The following SNTG2 variants were observed in gnomAD, a reference collection of about 807,000 sequenced individuals.
The protein encoded by SNTG2 is gamma-2-syntrophin.
SNTG2 carries 74 observed loss-of-function variants against 70.9 expected under a neutral mutation model. The ratio of observed to expected loss-of-function variants is 1.04; its 90% CI spans 0.86 to 1.27. The LOEUF (loss-of-function observed/expected upper bound fraction) is 1.27, where lower values mean the gene tolerates loss of function less well. Among genes scored for constraint, SNTG2 ranks in the 50% most tolerant of loss-of-function variants. SNTG2 has a pLI of 0.00. For synonymous variants in SNTG2, 278 were observed against 273.8 expected, an observed-to-expected ratio of 1.02 and a Z score of -0.15; for missense variants, 717 against 690.7, an observed-to-expected ratio of 1.04 and a Z score of -0.43.
intron 6 of SNTG2, among the ~76,000 whole-genome samples, chr2:1,157,186 C>A (rs893616314): frequency 3.3e-5 from 5 of 152,188 alleles, no homozygotes; most frequent in African/African-American, 1.2e-4. Flanking sequence ...CCATCACTGC[C>A]AGCACCCTGC....
chr2:1,079,587 TA>T (rs1422595899), intron 1 of SNTG2, among the ~76,000 whole-genome samples: 1 of 152,238 alleles, frequency 6.6e-6, no homozygotes, highest in Non-Finnish European at 1.5e-5. Context: ...TTTCCTTAGC[TA>T]GCATTTAAAA....
chr2:1,012,464 A>C (rs184530769), intron 1 of SNTG2, among the ~76,000 whole-genome samples: 1 of 152,262 alleles, frequency 6.6e-6, no homozygotes, highest in Non-Finnish European at 1.5e-5. Flanking sequence ...ATAGTCACAC[A>C]GAAAAGGGGC....
intron 1 of SNTG2, among the ~76,000 whole-genome samples, chr2:1,038,311 G>A (rs998415071): frequency 2.6e-5 from 4 of 152,104 alleles, no homozygotes; most frequent in African/African-American, 9.7e-5. Context: ...CTGTAACCAC[G>A]TTCTCATAGA....
chr2:1,367,595 C>T lies in SNTG2; in HGVS notation c.*121C>T. 8.2e-7 allele frequency: 1 copy of T among 1,226,536 alleles called. No individual in the cohort carries two copies. Among genetic ancestry groups the T allele is most frequent in the Non-Finnish European group, 1.1e-6 (1 of 900,836 alleles). 76.0% of individuals were successfully genotyped at this position (1,226,536 alleles called of 1,614,324 possible). ...GCCTATAGTTGTGATACCAATAAAA[C>T]ATGTCACTAGTTTCCAAAGACGGGT... On this transcript the variant is annotated 3_prime_UTR_variant, in exon 17 of 17. Coordinates refer to ENST00000308624, the MANE Select transcript of SNTG2 (RefSeq NM_018968.4).
chr2:960,979 C>T (rs1660332542), intron 1 of SNTG2, among the ~76,000 whole-genome samples: 6 of 152,328 alleles, frequency 3.9e-5, no homozygotes, highest in Middle Eastern at 3.4e-3. Context: ...CCCGCCTGGA[C>T]GGGCAGCTCC....
chr2:1,199,180 A>ATG, intron 8 of SNTG2, among the ~76,000 whole-genome samples: 1 of 84,180 alleles, frequency 1.2e-5, no homozygotes, highest in East Asian at 8.5e-4. Flanking sequence ...AAGGTAACAC[A>ATG]CCATCATCAA....
chr2:1,181,452 G>T (rs1430044085), intron 8 of SNTG2, among the ~76,000 whole-genome samples: 2 of 152,094 alleles, frequency 1.3e-5, no homozygotes, highest in African/African-American at 4.8e-5. Flanking sequence ...TCCTCCCAGG[G>T]CCAGGCCTGA....
At chr2:1,075,753 T>C (rs73908682) in intron 1 of SNTG2, among the ~76,000 whole-genome samples, 21,453 of 152,304 alleles carry the variant, frequency 0.14, 1,697 homozygotes, top group Middle Eastern at 0.2. Context: ...TAAGAGAGTT[T>C]ATTTTTCTTT....
chr2:1,254,897 G>T (rs1441986642), intron 12 of SNTG2, among the ~76,000 whole-genome samples: 1 of 152,182 alleles, frequency 6.6e-6, no homozygotes, highest in East Asian at 1.9e-4. Context: ...TTAAGTCACT[G>T]CTCTGAGGAA....
rs1660663592 is a variant in SNTG2 at position 1,353,012 on chromosome 2, C to T, written c.1489-14331C>T. Among the ~76,000 whole-genome samples the T allele has an allele frequency of 6.6e-6, 1 of 152,156 alleles. No individual in the cohort carries two copies. Among genetic ancestry groups the T allele is most frequent in the African/African-American group, 2.4e-5 (1 of 41,426 alleles). On this transcript the variant is annotated intron_variant, in intron 16 of 16. Coordinates refer to ENST00000308624, the MANE Select transcript of SNTG2 (RefSeq NM_018968.4). This position sits in a 1 kb window ranked among gnomAD's most constrained non-coding sequence, Gnocchi z 4.2. The stretch of plus-strand genomic sequence containing the variant: ...GGGTCCTGCCTCACAAAGACATCAC[C>T]TCCCGGCTGCACAGTTGCCCAGCGT...
chr2:1,095,437 C>T (rs976510176), intron 2 of SNTG2, among the ~76,000 whole-genome samples: 2 of 152,198 alleles, frequency 1.3e-5, no homozygotes, highest in Non-Finnish European at 2.9e-5. Flanking sequence ...AAATATTATT[C>T]TGGCTTAGCT....
At chr2:1,292,735 G>A (rs1451885733) in intron 14 of SNTG2, among the ~76,000 whole-genome samples, 3 of 152,216 alleles carry the variant, frequency 2.0e-5, no homozygotes, top group Middle Eastern at 3.4e-3. Flanking sequence ...ATGTGCTGTT[G>A]AATTTTGTTT....
intron 1 of SNTG2, among the ~76,000 whole-genome samples, chr2:1,025,387 T>C (rs1282017154): frequency 2.0e-5 from 3 of 152,158 alleles, no homozygotes; most frequent in Non-Finnish European, 4.4e-5. Flanking sequence ...GCGGCACTTC[T>C]AGAATTCCTA....
intron 1 of SNTG2, among the ~76,000 whole-genome samples, chr2:966,706 G>A (rs1660578836): frequency 6.6e-6 from 1 of 152,162 alleles, no homozygotes; most frequent in African/African-American, 2.4e-5. Context: ...CAGCACTTTG[G>A]GAGGCTGAGG....
At chr2:1,214,466 C>T (rs191557590) in intron 9 of SNTG2, among the ~76,000 whole-genome samples, 10 of 152,110 alleles carry the variant, frequency 6.6e-5, no homozygotes, top group South Asian at 2.1e-4. Flanking sequence ...TCATCTCTTT[C>T]GTTAAATTTA....
chr2:1,267,987 TG>T (rs1258135256), intron 14 of SNTG2, among the ~76,000 whole-genome samples: 1 of 152,230 alleles, frequency 6.6e-6, no homozygotes, highest in Non-Finnish European at 1.5e-5. Context: ...GGCACTTTAA[TG>T]GTTCTTCCTC....
At chr2:1,248,989 G>A (rs1677602277) in intron 12 of SNTG2, among the ~76,000 whole-genome samples, 1 of 152,148 alleles carries the variant, frequency 6.6e-6, no homozygotes, top group African/African-American at 2.4e-5. Flanking sequence ...GTCCTGCCTT[G>A]GGATGCTCCG....
chr2:1,148,444 C>T (rs62105980), intron 6 of SNTG2, among the ~76,000 whole-genome samples: 149,751 of 152,276 alleles, frequency 0.98, 73,681 homozygotes, highest in East Asian at 1. Context: ...GGGGAGGCTG[C>T]GGGGCTGCTG....
At position 1,244,928 on chromosome 2, in the gene SNTG2, G is replaced by A. The variant is rs548605197; in HGVS notation, c.889-2399G>A. 1.1e-4 allele frequency among the ~76,000 whole-genome samples: 17 copies of A among 151,940 alleles called. 1 individual carries two copies. The highest frequency in any genetic ancestry group is 3.3e-4 in the Admixed American group (5 of 15,262). ...TGGTCATCATTGTTTGTGAAACCTC[G>A]CCTAATAAGGCCATAAAAAATGATG... On this transcript the variant is annotated intron_variant, in intron 11 of 16. Transcript: ENST00000308624.
Sources: gnomAD v4.1 joint callset for allele counts (sites outside exome capture counted in the v4.1 genomes callset) on GRCh38, gnomAD v4.1.1 for gene constraint, Gnocchi (gnomAD v3.1) non-coding constraint, MANE v1.5 for transcripts, NCBI Gene and HGNC (gene_info 2026-07-23, HGNC 2026-07-21) for gene names.